Variants in DDX19B observed in about 807,000 individuals in gnomAD.
DDX19B encodes the protein ATP-dependent RNA helicase DDX19B.
DDX19B carries 27 observed loss-of-function variants against 58.1 expected under a neutral mutation model. The ratio of observed to expected loss-of-function variants is 0.46; its 90% confidence interval spans 0.34 to 0.64. The LOEUF (loss-of-function observed/expected upper bound fraction) is 0.64, where lower values mean the gene tolerates loss of function less well. Among genes scored for constraint, DDX19B ranks in the 30% least tolerant of loss-of-function variants. The pLI is 0.01. For synonymous variants in DDX19B, 187 were observed against 214.4 expected (o/e 0.87, Z 1.12); for missense variants, 399 against 596.5 (o/e 0.67, Z 3.45).
upstream of DDX19B, among the ~76,000 whole-genome samples, chr16:70,292,718 T>C (rs1453263666): frequency 3.3e-5 from 5 of 152,162 alleles, no homozygotes; most frequent in African/African-American, 1.2e-4. Flanking sequence ...AGAACATTTG[T>C]TGAACTCCAT....
chr16:70,313,810 A>G (rs1962211744), intron 2 of DDX19B, among the ~76,000 whole-genome samples: 1 of 152,188 alleles, frequency 6.6e-6, no homozygotes, highest in Non-Finnish European at 1.5e-5. Context: ...CTATAAATTT[A>G]TATTAATCAA....
chr16:70,317,612 T>C (rs750730057), intron 5 of DDX19B, 24 bp downstream of exon 5: 182 of 1,582,466 alleles, frequency 1.2e-4, no homozygotes, highest in Non-Finnish European at 1.5e-4. Context: ...TACAACTCCA[T>C]TTCATTTTAG....
intron 5 of DDX19B, 132 bp from the exon 6 acceptor site, chr16:70,324,453 T>C (rs893505117): frequency 1.9e-5 from 13 of 679,618 alleles, no homozygotes; most frequent in Admixed American, 9.6e-5. Context: ...CCTGTTCTTG[T>C]GAAGCTAGCA....
At position 70,314,973 on chromosome 16, in the gene DDX19B, C is replaced by G; in HGVS notation, c.160+18C>G. 2 of 1,605,112 alleles carry G rather than the reference C, an allele frequency of 1.2e-6. No individual in the cohort carries two copies. The highest frequency in any genetic ancestry group is 8.5e-7 in the Non-Finnish European group (1 of 1,174,050). On this transcript the variant is annotated intron_variant, in intron 3 of 11. Coordinates refer to ENST00000288071, the MANE Select transcript of DDX19B (RefSeq NM_007242.7). ...AGAGAAAGGTAACACAGCCGTGGAG[C>G]TTTATATAATAACAAGCTTCTACAT...
At chr16:70,333,439 T>C (rs1963587459) in intron 11 of DDX19B, 82 bp from the exon 12 acceptor site, 1 of 1,609,744 alleles carries the variant, frequency 6.2e-7, no homozygotes, top group African/African-American at 1.3e-5. Flanking sequence ...CCCGGAGCCT[T>C]TGGGGCTGAA....
upstream of DDX19B, among the ~76,000 whole-genome samples, chr16:70,292,474 A>G (rs113490723): frequency 2.0e-5 from 3 of 152,214 alleles, no homozygotes; most frequent in African/African-American, 7.2e-5. Flanking sequence ...AAAAAAAAGA[A>G]AGAAATTGTA....
chr16:70,307,154 G>A (rs1184349502), intron 1 of DDX19B, among the ~76,000 whole-genome samples: 2 of 151,990 alleles, frequency 1.3e-5, no homozygotes, highest in Non-Finnish European at 2.9e-5. Context: ...CTACTTTTTA[G>A]CTACTATGAA....
chr16:70,296,500 G>A (rs1268013637), upstream of DDX19B, among the ~76,000 whole-genome samples: 1 of 151,964 alleles, frequency 6.6e-6, no homozygotes, highest in African/African-American at 2.4e-5. Flanking sequence ...TGGGGTGGGG[G>A]TTCCTGTTTG....
chr16:70,309,267 G>A (rs926985337), intron 1 of DDX19B, among the ~76,000 whole-genome samples: 5 of 151,984 alleles, frequency 3.3e-5, no homozygotes, highest in East Asian at 1.9e-4. Context: ...AGGCCGAGGC[G>A]GGCAGATCAC....
At position 70,319,060 on chromosome 16, in the gene DDX19B, C is replaced by T. The variant is rs989591400; in HGVS notation, c.389+1472C>T. 6.0e-5 allele frequency among the ~76,000 whole-genome samples: 9 copies of T among 149,284 alleles called. No homozygotes were observed. The South Asian group carries it at 1.5e-3, about 25-fold the overall frequency. On this transcript the variant is annotated intron_variant, in intron 5 of 11. Coordinates refer to ENST00000288071, the MANE Select transcript of DDX19B (RefSeq NM_007242.7). ...CGGAGCTTGCAGTGAGCCGAGATCA[C>T]GCCACTGCACTCCAGCCTGGGCAAC...
At chr16:70,297,029 C>T (rs754434133), upstream of DDX19B, among the ~76,000 whole-genome samples, 15 of 152,062 alleles carry the variant, frequency 9.9e-5, no homozygotes, top group Non-Finnish European at 1.9e-4. Context: ...GATTCTCCTG[C>T]CTCAGCCTCC....
intron 1 of DDX19B, among the ~76,000 whole-genome samples, chr16:70,307,942 G>GTATT (rs1961855532): frequency 6.7e-6 from 1 of 149,478 alleles, no homozygotes; most frequent in South Asian, 2.1e-4. Context: ...ATTTATTTAT[G>GTATT]TATTTATTTT....
chr16:70,312,267 C>A (rs947844492), intron 1 of DDX19B, among the ~76,000 whole-genome samples: 1 of 152,116 alleles, frequency 6.6e-6, no homozygotes, highest in African/African-American at 2.4e-5. Flanking sequence ...CCCCCCCACA[C>A]ACAAAAGAAA....
At chr16:70,328,940 G>A (rs1963323620) in intron 7 of DDX19B, among the ~76,000 whole-genome samples, 7 of 151,608 alleles carry the variant, frequency 4.6e-5, no homozygotes, top group Admixed American at 4.6e-4. Flanking sequence ...ATGGAGGCCG[G>A]GCACGGTGGC....
At chr16:70,290,641 G>T (rs1282252269), upstream of DDX19B, among the ~76,000 whole-genome samples, 2 of 152,210 alleles carry the variant, frequency 1.3e-5, no homozygotes, top group Non-Finnish European at 2.9e-5. Flanking sequence ...TGAGGCTGCA[G>T]TGAGCCCTGA....
At chr16:70,312,267 C>T (rs947844492) in intron 1 of DDX19B, among the ~76,000 whole-genome samples, 1 of 152,116 alleles carries the variant, frequency 6.6e-6, no homozygotes, top group South Asian at 2.1e-4. Flanking sequence ...CCCCCCCACA[C>T]ACAAAAGAAA....
chr16:70,307,225 T>G (rs1961799905), intron 1 of DDX19B, among the ~76,000 whole-genome samples: 2 of 152,214 alleles, frequency 1.3e-5, no homozygotes, highest in Admixed American at 1.3e-4. Context: ...AATACTCGGG[T>G]ATATATCTAG....
At chr16:70,322,358 A>G (rs1034269164) in intron 5 of DDX19B, among the ~76,000 whole-genome samples, 2 of 152,104 alleles carry the variant, frequency 1.3e-5, no homozygotes, top group African/African-American at 2.4e-5. Flanking sequence ...TGGAATGCTG[A>G]AGTGGGCGGA....
At chr16:70,321,967 G>A (rs1436552307) in intron 5 of DDX19B, among the ~76,000 whole-genome samples, 8 of 151,750 alleles carry the variant, frequency 5.3e-5, no homozygotes, top group East Asian at 1.9e-4. Context: ...CCTGGGAGAC[G>A]GAGGTTGCAG....
Sources: allele counts gnomAD v4.1 joint callset (sites outside exome capture counted in the v4.1 genomes callset), GRCh38; gene constraint gnomAD v4.1.1; transcripts MANE v1.5; gene names NCBI Gene and HGNC (gene_info 2026-07-23, HGNC 2026-07-21).